DCUN1D4: variants seen among roughly 807,000 people sequenced by gnomAD.
DCUN1D4 encodes the protein DCN1-like protein 4.
Under a neutral mutation model 47.9 loss-of-function variants are expected in DCUN1D4, and 22 were observed. That is an observed-to-expected ratio of 0.46 (90% CI 0.33 to 0.66). The LOEUF is 0.66. Ranked by LOEUF, DCUN1D4 falls within the 30% of genes least tolerant of loss-of-function variation. DCUN1D4 has a pLI of 0.02. For synonymous variants in DCUN1D4, 121 were observed against 112.2 expected (o/e 1.08, Z -0.50); for missense variants, 301 against 340.8 (o/e 0.88, Z 0.92).
chr4:51,834,972 T>C, the DCUN1D4 span, among the ~76,000 whole-genome samples: 3 of 152,212 alleles, frequency 2.0e-5, no homozygotes, highest in East Asian at 3.8e-4. Context: ...TACCCTGATA[T>C]TGGGGAAACT....
At chr4:51,880,408 A>G (rs1321995489) in intron 5 of DCUN1D4, among the ~76,000 whole-genome samples, 1 of 152,126 alleles carries the variant, frequency 6.6e-6, no homozygotes, top group African/African-American at 2.4e-5. Context: ...TCTGGAGTAG[A>G]GTGGAGTGGA....
chr4:51,843,528 T>G, intron 1 of DCUN1D4: 2 of 1,117,028 alleles, frequency 1.8e-6, no homozygotes, highest in Non-Finnish European at 2.2e-6. Flanking sequence ...CTTTCAGTGT[T>G]GGGGGAAGGG....
intron 2 of DCUN1D4, 52 bp from the exon 3 acceptor site, chr4:51,863,618 A>T (rs779971053): frequency 1.6e-5 from 26 of 1,600,298 alleles, no homozygotes; most frequent in Non-Finnish European, 2.2e-5. Flanking sequence ...GTTGTTTATG[A>T]AAATGCTAAC....
At chr4:51,875,021 G>A (rs1727454585) in intron 4 of DCUN1D4, 1 of 152,134 alleles carries the variant, frequency 6.6e-6, no homozygotes, top group African/African-American at 2.4e-5. Flanking sequence ...TCATTGTCTA[G>A]TCTTTTCTAC....
At chr4:51,867,935 G>A (rs1726231472) in intron 3 of DCUN1D4, among the ~76,000 whole-genome samples, 1 of 152,234 alleles carries the variant, frequency 6.6e-6, no homozygotes, top group Admixed American at 6.5e-5. Context: ...GCAGGTCTGC[G>A]CCAAGCTGCT....
intron 5 of DCUN1D4, among the ~76,000 whole-genome samples, chr4:51,883,549 T>A (rs1434560084): frequency 6.6e-6 from 1 of 152,248 alleles, no homozygotes; most frequent in Non-Finnish European, 1.5e-5. Flanking sequence ...CCACTCTCAC[T>A]ACTCTTACTT....
intron 1 of DCUN1D4, among the ~76,000 whole-genome samples, chr4:51,846,694 A>G (rs376398959): frequency 2.0e-5 from 3 of 152,224 alleles, no homozygotes; most frequent in African/African-American, 7.2e-5. Context: ...TGCCAATACA[A>G]TGCTCAAATT....
upstream of DCUN1D4, among the ~76,000 whole-genome samples, chr4:51,842,277 G>A (rs113746098): frequency 6.6e-6 from 1 of 152,174 alleles, no homozygotes; most frequent in Admixed American, 6.5e-5. Flanking sequence ...TCGTCCATGT[G>A]TTAGGCTCAG....
At chr4:51,860,779 C>T in intron 1 of DCUN1D4, 1 of 336,254 alleles carries the variant, frequency 3.0e-6, no homozygotes, top group Admixed American at 3.5e-5. Context: ...ACACCTCTCA[C>T]CAGGCCCCAC....
At chr4:51,852,227 G>T (rs1433516805) in intron 1 of DCUN1D4, among the ~76,000 whole-genome samples, 1 of 151,946 alleles carries the variant, frequency 6.6e-6, no homozygotes, top group Admixed American at 6.6e-5. Flanking sequence ...ATTTTAAGTG[G>T]GAAACTGAAG....
intron 1 of DCUN1D4, among the ~76,000 whole-genome samples, chr4:51,861,042 A>T (rs779129884): frequency 2.0e-5 from 3 of 152,228 alleles, no homozygotes; most frequent in Non-Finnish European, 4.4e-5. Flanking sequence ...AGCACTTACT[A>T]TCTTCCAGGT....
chr4:51,906,972 A>C (rs1354693384), intron 8 of DCUN1D4, among the ~76,000 whole-genome samples: 1 of 152,200 alleles, frequency 6.6e-6, no homozygotes, highest in African/African-American at 2.4e-5. Flanking sequence ...AGTAGTCCCT[A>C]TTTACTAATA....
chr4:51,850,508 C>T (rs1723211956), intron 1 of DCUN1D4, among the ~76,000 whole-genome samples: 1 of 152,130 alleles, frequency 6.6e-6, no homozygotes, highest in South Asian at 2.1e-4. Context: ...GTAGAGTTAC[C>T]CAGCTGCTCT....
At position 51,899,254 on chromosome 4, in the gene DCUN1D4, T is replaced by A; in HGVS notation, c.507-16T>A. 1 of 1,581,340 alleles carries A rather than the reference T, an allele frequency of 6.3e-7. No homozygotes were observed. The highest frequency in any genetic ancestry group is 2.3e-5 in the East Asian group (1 of 44,216). ...ATGAACTCAGGTCATAATTTGCCTT[T>A]ATTCTGTTTTTCTAGATGTGATACA... On this transcript the variant is annotated splice_polypyrimidine_tract_variant and intron_variant, in intron 7 of 10. Coordinates refer to ENST00000334635, the MANE Select transcript of DCUN1D4 (RefSeq NM_001040402.3).
chr4:51,879,109 G>C (rs1327231172), intron 5 of DCUN1D4, among the ~76,000 whole-genome samples: 1 of 152,150 alleles, frequency 6.6e-6, no homozygotes, highest in African/African-American at 2.4e-5. Flanking sequence ...GGACTTTTAT[G>C]AGCTACCCCA....
chr4:51,910,975 T>G (rs527629583), intron 8 of DCUN1D4, 95 bp from the exon 9 acceptor site: 1 of 1,223,378 alleles, frequency 8.2e-7, no homozygotes, highest in Non-Finnish European at 1.2e-6. Flanking sequence ...ATGAGCTGTT[T>G]ACTAATTTCC....
At chr4:51,850,010 T>C (rs1435612694) in intron 1 of DCUN1D4, among the ~76,000 whole-genome samples, 1 of 152,200 alleles carries the variant, frequency 6.6e-6, no homozygotes, top group Non-Finnish European at 1.5e-5. Context: ...TTACTAAAGA[T>C]ATAGAACATT....
chr4:51,879,323 A>T (rs1251694799), intron 5 of DCUN1D4, among the ~76,000 whole-genome samples: 1 of 152,194 alleles, frequency 6.6e-6, no homozygotes, highest in Non-Finnish European at 1.5e-5. Context: ...AAAGTGATTG[A>T]CGGCTGGGCG....
At chr4:51,899,800 A>T (rs968780314) in intron 8 of DCUN1D4, among the ~76,000 whole-genome samples, 20 of 152,236 alleles carry the variant, frequency 1.3e-4, no homozygotes, top group African/African-American at 4.8e-4. Flanking sequence ...TGTGAATTTT[A>T]GACGTAAGCT....
Sources: allele counts gnomAD v4.1 joint callset (sites outside exome capture counted in the v4.1 genomes callset), GRCh38; gene constraint gnomAD v4.1.1; transcripts MANE v1.5; gene names NCBI Gene and HGNC (gene_info 2026-07-23, HGNC 2026-07-21).